The following KMT5A variants were observed in gnomAD, a reference collection of about 807,000 sequenced individuals.
KMT5A encodes lysine methyltransferase 5A.
Under a neutral mutation model 40.6 loss-of-function variants are expected in KMT5A, and 6 were observed. The ratio of observed to expected loss-of-function variants is 0.15; its 90% CI spans 0.08 to 0.29. KMT5A has a LOEUF of 0.29. Among genes scored for constraint, KMT5A ranks in the 10% least tolerant of loss-of-function variants. The probability of loss-of-function intolerance (pLI) is 1.00; values close to 1 mark genes in which losing one functional copy is unlikely to be tolerated. For missense variants in KMT5A, 308 were observed against 459.1 expected (o/e 0.67, Z 3.01); for synonymous variants, 153 against 178.8 (o/e 0.86, Z 1.15).
chr12:123,390,287 C>G (rs1308427509), intron 2 of KMT5A: 2 of 385,900 alleles, frequency 5.2e-6, no homozygotes, highest in Admixed American at 3.5e-5. Context: ...GCAGTGAACT[C>G]CTAAAGATAG....
At chr12:123,396,241 C>T (rs1877711050) in intron 4 of KMT5A, 104 bp from the exon 5 acceptor site, 2 of 1,045,236 alleles carry the variant, frequency 1.9e-6, no homozygotes, top group African/African-American at 1.6e-5. Context: ...GTGACATCAT[C>T]TCCAAGGAGC....
chr12:123,403,516 T>C (rs1878330132), intron 5 of KMT5A, 57 bp from the exon 6 acceptor site: 1 of 1,582,514 alleles, frequency 6.3e-7, no homozygotes, highest in East Asian at 2.2e-5. Context: ...ACCATCAAGC[T>C]ACGCACGATG....
rs1423140279 is a variant in KMT5A, at chr12:123,390,673, G to A, written c.176G>A (p.Ser59Asn). Residue 59 changes from serine to asparagine, a missense_variant, in exon 3 of 8, where the codon AGC (serine) becomes AAC (asparagine). By Grantham distance (46) the Ser-to-Asn change is conservative. Around this residue, in one of 4 missense-constraint regions of KMT5A, gnomAD observed 92 missense variants for 78.3 expected, o/e 1.18. Coordinates refer to ENST00000402868, the MANE Select transcript of KMT5A (RefSeq NM_020382.7). ...CAGTCAAAGATCTATTCCTACATGA[G>A]CCCGAACAAATGCTCTGGAATGCGT... ...TGQSKIYSYM[S>N]PNKCSGMRFP... 4 of 1,613,792 alleles carry A rather than the reference G, an allele frequency of 2.5e-6. No homozygotes were observed. In the Admixed American group the frequency reaches 5.0e-5, roughly 20 times the overall value.
Position 123,389,509 on chromosome 12 carries a change from G to A in KMT5A, c.87G>A (p.Pro29=). Residue 29 remains proline, a synonymous_variant, in exon 2 of 8, where the codon CCG becomes CCA. Coordinates refer to ENST00000402868, the MANE Select transcript of KMT5A (RefSeq NM_020382.7). ...CGGTGGCAGCGACGGCCCCGGGCCC[G>A]GAGATGGTGGAGCGGAGGGGCCCGG... The part of the protein sequence containing the change: ...AAAVAATAPG[P]EMVERRGPGR... 23 of 1,123,532 alleles carry A rather than the reference G, an allele frequency of 2.0e-5. No homozygotes were observed. Among genetic ancestry groups the A allele is most frequent in the East Asian group, 5.1e-5 (1 of 19,766 alleles). The allele number at this position is 1,123,532 out of a possible 1,614,324, so 69.6% of individuals were successfully genotyped here.
intron 1 of KMT5A, among the ~76,000 whole-genome samples, chr12:123,386,862 CT>C (rs1252223152): frequency 6.6e-6 from 1 of 150,768 alleles, no homozygotes; most frequent in Non-Finnish European, 1.5e-5. Flanking sequence ...ACAGACTTTT[CT>C]TTTTTTTTGG....
chr12:123,388,840 C>A (rs1877027907), intron 1 of KMT5A: 1 of 149,488 alleles, frequency 6.7e-6, no homozygotes, highest in African/African-American at 2.4e-5. Context: ...CGAGAGGGGG[C>A]GCGCCCGAGC....
At chr12:123,385,601 T>C (rs1475918164) in intron 1 of KMT5A, among the ~76,000 whole-genome samples, 3 of 152,116 alleles carry the variant, frequency 2.0e-5, no homozygotes, top group African/African-American at 7.2e-5. Context: ...CCTGTAATCC[T>C]AGCACTTTGG....
chr12:123,395,210 C>T lies in KMT5A; in HGVS notation c.453C>T (p.Ala151=), dbSNP rs368899488. ...PPSSCDSTNA[A]IAKQALKKPI... ...CATCTTGTGATTCCACCAATGCAGC[C>T]ATCGCCAAGCAAGCCCTGAAAAAGC... is the stretch of plus-strand genomic sequence containing the variant. The change falls in exon 4 of 8, where the codon GCC becomes GCT. Residue 151 remains alanine, a synonymous_variant. Coordinates refer to ENST00000402868, the MANE Select transcript of KMT5A (RefSeq NM_020382.7). The T allele has an allele frequency of 1.1e-5, 18 of 1,613,616 alleles. No individual in the cohort carries two copies. The highest frequency in any genetic ancestry group is 1.5e-5 in the Non-Finnish European group (18 of 1,179,834).
chr12:123,394,418 TTAAAAG>T (rs1877541688), intron 3 of KMT5A, among the ~76,000 whole-genome samples: 1 of 152,150 alleles, frequency 6.6e-6, no homozygotes, highest in African/African-American at 2.4e-5. Context: ...ACTTAGTTAT[TTAAAAG>T]TAAAACATTT....
chr12:123,393,682 G>A (rs867516807), intron 3 of KMT5A, among the ~76,000 whole-genome samples: 6 of 151,744 alleles, frequency 4.0e-5, no homozygotes, highest in South Asian at 4.2e-4. Flanking sequence ...TGGGATTATA[G>A]GCGCACACCA....
In KMT5A at chr12:123,407,803, C is replaced by A; in HGVS notation, c.*100C>A. The A allele has an allele frequency of 7.0e-6, 5 of 718,036 alleles. No individual in the cohort carries two copies. Among genetic ancestry groups the A allele is most frequent in the Admixed American group, 2.7e-5 (1 of 36,690 alleles). 44.5% of individuals were successfully genotyped at this position (718,036 alleles called of 1,614,324 possible). ...TTTTTTTTTACACACTTAATCTTAG[C>A]GGATTACTTCAGATGTTTTTAAAAA... On this transcript the variant is annotated 3_prime_UTR_variant, in exon 8 of 8. Coordinates refer to ENST00000402868, the MANE Select transcript of KMT5A (RefSeq NM_020382.7).
At chr12:123,394,354 C>T (rs1193924586) in intron 3 of KMT5A, among the ~76,000 whole-genome samples, 1 of 152,130 alleles carries the variant, frequency 6.6e-6, no homozygotes, top group East Asian at 1.9e-4. Flanking sequence ...CCGCCAGCCT[C>T]GGCTTCCCAA....
At chr12:123,403,454 AAT>A in intron 5 of KMT5A, 117 bp from the exon 6 acceptor site, 1 of 1,054,108 alleles carries the variant, frequency 9.5e-7, no homozygotes, top group Non-Finnish European at 1.4e-6. Context: ...AGTGATGCCA[AAT>A]GAGGCCGATT....
chr12:123,393,726 G>T (rs1014496998), intron 3 of KMT5A, among the ~76,000 whole-genome samples: 1 of 152,104 alleles, frequency 6.6e-6, no homozygotes, highest in African/African-American at 2.4e-5. Flanking sequence ...ATTTTTAGTA[G>T]AGATGGGGTT....
intron 5 of KMT5A, among the ~76,000 whole-genome samples, chr12:123,403,016 C>G (rs767052410): frequency 6.6e-6 from 1 of 152,222 alleles, no homozygotes; most frequent in African/African-American, 2.4e-5. Context: ...TCAAGCGATT[C>G]TCCTGCCTCA....
At chr12:123,400,139 A>G (rs1878035409) in intron 5 of KMT5A, among the ~76,000 whole-genome samples, 1 of 144,548 alleles carries the variant, frequency 6.9e-6, no homozygotes, top group Non-Finnish European at 1.5e-5. Context: ...CCCATCTTAA[A>G]AAATAATTAA....
chr12:123,402,501 C>T (rs1352881510), intron 5 of KMT5A, among the ~76,000 whole-genome samples: 1 of 152,192 alleles, frequency 6.6e-6, no homozygotes, highest in African/African-American at 2.4e-5. Flanking sequence ...CAGTTGGTGT[C>T]AGGCTCCTGA....
At chr12:123,398,595 C>T (rs779669300) in intron 5 of KMT5A, among the ~76,000 whole-genome samples, 3 of 152,256 alleles carry the variant, frequency 2.0e-5, no homozygotes, top group Non-Finnish European at 4.4e-5. Context: ...CAAGAAAGCT[C>T]GCCCTGTTCC....
chr12:123,387,933 C>G (rs1324874384), intron 1 of KMT5A, among the ~76,000 whole-genome samples: 1 of 152,202 alleles, frequency 6.6e-6, no homozygotes, highest in Non-Finnish European at 1.5e-5. Flanking sequence ...CCCCTGACTC[C>G]CAGGCCATGG....
Sources: allele counts gnomAD v4.1 joint callset (sites outside exome capture counted in the v4.1 genomes callset), GRCh38; gene constraint gnomAD v4.1.1; regional missense constraint gnomAD v4.1.1; transcripts MANE v1.5; gene names NCBI Gene and HGNC (gene_info 2026-07-23, HGNC 2026-07-21).